Variants in NUP107 observed in about 807,000 individuals in gnomAD.
NUP107 encodes nuclear pore complex protein Nup107.
A neutral mutation model predicts 141.0 loss-of-function variants in NUP107; 101 were observed. The ratio of observed to expected loss-of-function variants is 0.72; its 90% CI spans 0.61 to 0.84. NUP107 has a LOEUF of 0.84. Among genes scored for constraint, NUP107 ranks in the 40% least tolerant of loss-of-function variants. The pLI, the probability that NUP107 is intolerant of heterozygous loss-of-function variation, is 0.00. For synonymous variants in NUP107, 319 were observed against 363.9 expected (o/e 0.88, Z 1.41); for missense variants, 941 against 1,102.7 (o/e 0.85, Z 2.08).
chr12:68,728,421 CTT>C (rs775566595), intron 20 of NUP107, among the ~76,000 whole-genome samples: 1 of 112,484 alleles, frequency 8.9e-6, no homozygotes, highest in Admixed American at 1.0e-4. Context: ...GAAAACCTGT[CTT>C]TTTTTTTTTT....
At position 68,696,901 on chromosome 12, in the gene NUP107, T is replaced by G; in HGVS notation, c.531T>G (p.Tyr177Ter). 1 of 1,604,954 alleles carries G rather than the reference T, an allele frequency of 6.2e-7. No individual in the cohort carries two copies. The highest frequency in any genetic ancestry group is 8.5e-7 in the Non-Finnish European group (1 of 1,173,888). ...CAGTTTTTGATCTTGTGGAAGAGTA[T>G]GAAAACATCTGTGGTAGTCAGGTAA... Reference protein sequence around the residue: ...SSTVFDLVEEYENICGSQVNI... With the variant: ...SSTVFDLVEE Residue 177 changes from tyrosine to a stop codon, truncating the protein, a stop_gained, in exon 6 of 28, where the codon TAT becomes TAG. Coordinates refer to ENST00000229179, the MANE Select transcript of NUP107 (RefSeq NM_020401.4). LOFTEE classifies it high-confidence loss of function.
chr12:68,710,982 C>T lies in NUP107; in HGVS notation c.890+889C>T, dbSNP rs189700780. Reference sequence around the variant, plus strand: ...GGAAAAAAATGAATTAGAGGCTCGGCGCTGTGGTTCACACCTGTAATCCCA... The same window carrying T: ...GGAAAAAAATGAATTAGAGGCTCGGTGCTGTGGTTCACACCTGTAATCCCA... On this transcript the variant is annotated intron_variant, in intron 10 of 27. Transcript: ENST00000229179. 1.5e-3 allele frequency among the ~76,000 whole-genome samples: 221 copies of T among 149,300 alleles called. 3 individuals are homozygous for T. Among genetic ancestry groups the T allele is most frequent in the Middle Eastern group, 3.5e-3 (1 of 288 alleles).
At chr12:68,709,676 G>T (rs928220379) in intron 9 of NUP107, among the ~76,000 whole-genome samples, 1 of 151,842 alleles carries the variant, frequency 6.6e-6, no homozygotes, top group Non-Finnish European at 1.5e-5. Context: ...AGATCTCGAG[G>T]TCAGGAGATC....
intron 8 of NUP107, among the ~76,000 whole-genome samples, chr12:68,703,116 G>A (rs900972798): frequency 5.3e-5 from 8 of 152,126 alleles, no homozygotes; most frequent in South Asian, 2.1e-4. Flanking sequence ...AAAGTGGTGG[G>A]ATTACAGGCA....
intron 20 of NUP107, among the ~76,000 whole-genome samples, chr12:68,730,381 G>T (rs948023157): frequency 2.0e-5 from 3 of 151,856 alleles, no homozygotes; most frequent in Admixed American, 2.0e-4. Context: ...ACCACGCCTG[G>T]CTAATTTTTG....
chr12:68,721,749 G>T, intron 15 of NUP107, 92 bp from the exon 16 acceptor site: 5 of 1,250,542 alleles, frequency 4.0e-6, no homozygotes, highest in Non-Finnish European at 5.6e-6. Flanking sequence ...ATTATAAAGT[G>T]ATTTTATAGT....
At chr12:68,735,475 T>C in intron 26 of NUP107, 131 bp downstream of exon 26, 1 of 642,364 alleles carries the variant, frequency 1.6e-6, no homozygotes, top group South Asian at 2.1e-5. Context: ...TCCCATGTTT[T>C]AAGCTAAACT....
chr12:68,732,784 T>G (rs1222925258), intron 23 of NUP107, 45 bp downstream of exon 23: 3 of 1,272,942 alleles, frequency 2.4e-6, no homozygotes, highest in African/African-American at 1.5e-5. Context: ...GGCTCCATTC[T>G]TCTTCCTACC....
At chr12:68,734,929 C>A in intron 25 of NUP107, 96 bp downstream of exon 25, 1 of 1,336,882 alleles carries the variant, frequency 7.5e-7, no homozygotes, top group Non-Finnish European at 1.0e-6. Context: ...ATCTTTCGAT[C>A]ATAACAGGTA....
chr12:68,701,559 A>G (rs575537288), intron 7 of NUP107, among the ~76,000 whole-genome samples: 155 of 152,024 alleles, frequency 1.0e-3, no homozygotes, highest in Non-Finnish European at 1.8e-3. Context: ...GTGGGCACCT[A>G]TAATCCCAGC....
At chr12:68,699,849 A>G (rs547222041) in intron 6 of NUP107, among the ~76,000 whole-genome samples, 144 of 152,166 alleles carry the variant, frequency 9.5e-4, no homozygotes, top group South Asian at 1.7e-3. Context: ...GGGACCATTC[A>G]TGCCTTTTAT....
intron 20 of NUP107, among the ~76,000 whole-genome samples, chr12:68,728,005 C>T (rs1373807144): frequency 2.0e-5 from 3 of 152,062 alleles, no homozygotes; most frequent in East Asian, 1.9e-4. Context: ...ATAAGGGGCT[C>T]GGCGAGGTGG....
At chr12:68,697,533 T>C (rs1484706196) in intron 6 of NUP107, among the ~76,000 whole-genome samples, 1 of 152,022 alleles carries the variant, frequency 6.6e-6, no homozygotes, top group African/African-American at 2.4e-5. Flanking sequence ...GTTTAATACC[T>C]AGTTGATGGA....
chr12:68,727,361 C>G lies in NUP107; in HGVS notation c.1706C>G (p.Ser569Cys). 1 of 1,511,878 alleles carries G rather than the reference C, an allele frequency of 6.6e-7. No individual in the cohort carries two copies. The highest frequency in any genetic ancestry group is 9.1e-7 in the Non-Finnish European group (1 of 1,097,808). 93.7% of individuals were successfully genotyped at this position (1,511,878 alleles called of 1,614,324 possible). Residue 569 changes from serine (S) to cysteine (C), a missense_variant, in exon 20 of 28, where the codon TCT becomes TGT. Physicochemically the swap from Ser to Cys is moderately radical, Grantham distance 112. Transcript: ENST00000229179. ...TTTTTTCCTATGAAGGAGGAAGTTT[C>G]TATTGAAGTTTTAAAGACATACATA... ...TLGLQTKEEV[S>C]IEVLKTYIQL... is the part of the protein sequence containing the mutation.
rs757048572 is a variant in NUP107, at chr12:68,715,677, A to G, written c.1020A>G (p.Arg340=). The change falls in exon 12 of 28, where the codon AGA becomes AGG. Residue 340 remains arginine (R), a synonymous_variant. Coordinates refer to ENST00000229179, the MANE Select transcript of NUP107 (RefSeq NM_020401.4). ...AAATGCCCCTTGATGATCTGGATAG[A>G]GAAGATGAAGTTAGATTACTCAAAT... ...RQKMPLDDLD[R]EDEVRLLKYL... The G allele has an allele frequency of 6.2e-7, 1 of 1,613,520 alleles. No individual in the cohort carries two copies. Among genetic ancestry groups the G allele is most frequent in the Non-Finnish European group, 8.5e-7 (1 of 1,179,540 alleles).
chr12:68,692,222 G>C, intron 5 of NUP107, 110 bp downstream of exon 5: 1 of 1,181,714 alleles, frequency 8.5e-7, no homozygotes, highest in Non-Finnish European at 1.2e-6. Context: ...CTTTCTTTCT[G>C]TCTTTTTTTC....
At chr12:68,738,926 CT>C (rs1385033257) in intron 26 of NUP107, among the ~76,000 whole-genome samples, 1 of 152,078 alleles carries the variant, frequency 6.6e-6, no homozygotes, top group African/African-American at 2.4e-5. Context: ...TAAAATCTTT[CT>C]TTTCTTGATG....
At chr12:68,728,228 G>C (rs1877647468) in intron 20 of NUP107, among the ~76,000 whole-genome samples, 1 of 149,496 alleles carries the variant, frequency 6.7e-6, no homozygotes, top group Non-Finnish European at 1.5e-5. Context: ...GTTGGAGGTT[G>C]CAGTGAGCTG....
chr12:68,735,253 G>A lies in NUP107; in HGVS notation c.2411G>A (p.Gly804Glu). The change falls in exon 26 of 28, where the codon GGG (glycine) becomes GAG (glutamate). Residue 804 changes from glycine (G) to glutamate (E), a missense_variant. By Grantham distance (98) the Gly-to-Glu change is moderately conservative. Coordinates refer to ENST00000229179, the MANE Select transcript of NUP107 (RefSeq NM_020401.4). Reference protein sequence around the residue: ...KYEMDFGIWKGHLDALTADVK... With the variant: ...KYEMDFGIWKEHLDALTADVK... ...CAGATGGATTTTGGTATTTGGAAAG[G>A]GCATTTGGATGCCCTAACTGCTGAT... is the stretch of plus-strand genomic sequence containing the variant. 6.2e-7 allele frequency: 1 copy of A among 1,613,650 alleles called. No individual in the cohort carries two copies. The highest frequency in any genetic ancestry group is 8.5e-7 in the Non-Finnish European group (1 of 1,179,598).
Sources: allele counts gnomAD v4.1 joint callset (sites outside exome capture counted in the v4.1 genomes callset), GRCh38; gene constraint gnomAD v4.1.1; transcripts MANE v1.5; gene names NCBI Gene and HGNC (gene_info 2026-07-23, HGNC 2026-07-21).